The following EVC variants were observed in gnomAD, a reference collection of about 807,000 sequenced individuals.
EVC encodes evC complex member EVC.
In EVC, 116 loss-of-function variants were observed where a neutral mutation model predicts 118.9. That is an observed-to-expected ratio of 0.98 (90% CI 0.84 to 1.14). The LOEUF is 1.14. EVC is among the 50% of genes most tolerant of loss of function. The probability of loss-of-function intolerance (pLI) is 0.00; values close to 1 mark genes in which losing one functional copy is unlikely to be tolerated. For missense variants in EVC, 1,401 were observed against 1,246.4 expected (o/e 1.12, Z -1.87); for synonymous variants, 619 against 534.7 (o/e 1.16, Z -2.18).
the EVC span, among the ~76,000 whole-genome samples, chr4:5,824,098 C>T: frequency 6.6e-6 from 1 of 152,220 alleles, no homozygotes; most frequent in Non-Finnish European, 1.5e-5. Context: ...CATTGTTATT[C>T]TTGTTCTAAG....
chr4:5,827,526 T>C, the EVC span, among the ~76,000 whole-genome samples: 2 of 152,038 alleles, frequency 1.3e-5, no homozygotes, highest in Non-Finnish European at 2.9e-5. Context: ...TCCATCTCAA[T>C]TGGTCACTTA....
intron 11 of EVC, among the ~76,000 whole-genome samples, chr4:5,777,642 C>T (rs968632020): frequency 2.0e-5 from 3 of 152,150 alleles, no homozygotes; most frequent in Non-Finnish European, 4.4e-5. Flanking sequence ...CTTTTTCATT[C>T]ACCCCTAGTG....
In EVC at chr4:5,719,245, T is replaced by C; in HGVS notation, c.175-3T>C. On this transcript the variant is annotated splice_region_variant and splice_polypyrimidine_tract_variant and intron_variant, in intron 1 of 20. Transcript: ENST00000264956. The surrounding 1 kb of genome is among the most constrained non-coding windows in gnomAD (Gnocchi z 4.7). ...CCCCCAACTCCTGACCTTCGGGTTT[T>C]AGAAAGACGACACTCAAAATCTGCT... The C allele has an allele frequency of 6.2e-7, 1 of 1,614,138 alleles. No individual in the cohort carries two copies. The highest frequency in any genetic ancestry group is 8.5e-7 in the Non-Finnish European group (1 of 1,180,026).
chr4:5,772,132 G>A (rs551449516), intron 11 of EVC, among the ~76,000 whole-genome samples: 125 of 152,132 alleles, frequency 8.2e-4, no homozygotes, highest in African/African-American at 2.9e-3. Context: ...TCCTGACTTC[G>A]CGATCCGCCC....
chr4:5,737,808 A>G lies in EVC; in HGVS notation c.703-3908A>G, dbSNP rs929317451. On this transcript the variant is annotated intron_variant, in intron 5 of 20. Coordinates refer to ENST00000264956, the MANE Select transcript of EVC (RefSeq NM_153717.3). The surrounding 1 kb of genome is among the most constrained non-coding windows in gnomAD (Gnocchi z 5.0). ...GAGCTCTGATGAAGATGTACAAGGA[A>G]GTTAATGTCATTTTCATGCCTGCTA... Among the ~76,000 whole-genome samples the G allele has an allele frequency of 3.9e-5, 6 of 152,350 alleles. No individual in the cohort carries two copies. The South Asian group carries it at 1.0e-3, about 26-fold the overall frequency.
rs1728938377 is a variant in EVC at position 5,743,630 on chromosome 4, TTTC to T, written c.802-1568_802-1566del. On this transcript the variant is annotated intron_variant, in intron 6 of 20. Transcript: ENST00000264956. The surrounding 1 kb of genome is among the most constrained non-coding windows in gnomAD (Gnocchi z 4.7). ...AGATCTGGGGGTTTGGGAAGGAATG[TTTC>T]TTCTTTACTCCACTGGATTCCATGA... Among the ~76,000 whole-genome samples the T allele has an allele frequency of 6.6e-6, 1 of 152,158 alleles. No homozygotes were observed.
intron 2 of EVC, among the ~76,000 whole-genome samples, chr4:5,721,379 A>G (rs1416530737): frequency 6.6e-6 from 1 of 152,192 alleles, no homozygotes; most frequent in East Asian, 1.9e-4. Context: ...CCTAGAAAAC[A>G]TGCTAAATGA....
chr4:5,818,726 A>C (rs1166463369), downstream of EVC, among the ~76,000 whole-genome samples: 1 of 152,154 alleles, frequency 6.6e-6, no homozygotes, highest in Non-Finnish European at 1.5e-5. Context: ...CCCCACCAGC[A>C]AGAAGGCTCT....
intron 12 of EVC, among the ~76,000 whole-genome samples, chr4:5,788,486 G>C (rs774394628): frequency 7.2e-5 from 11 of 152,170 alleles, no homozygotes; most frequent in Non-Finnish European, 1.6e-4. Flanking sequence ...TCTCCATTTA[G>C]ATGATTGATA....
intron 11 of EVC, among the ~76,000 whole-genome samples, chr4:5,779,556 C>T (rs1289700104): frequency 2.9e-5 from 4 of 136,218 alleles, no homozygotes; most frequent in African/African-American, 5.7e-5. Flanking sequence ...AGGTCCTTCA[C>T]ATCCCTTGTA....
chr4:5,747,971 C>G (rs1024787706), intron 7 of EVC, 177 bp from the exon 8 acceptor site: 1 of 724,572 alleles, frequency 1.4e-6, no homozygotes, highest in African/African-American at 1.7e-5. Context: ...ACAATGGAAC[C>G]AGAAAGAACT....
rs989453685 is a variant in EVC at position 5,755,445 on chromosome 4, G to C, written c.1465-819G>C. Among the ~76,000 whole-genome samples, 1 of 152,060 alleles carries C rather than the reference G, an allele frequency of 6.6e-6. No homozygotes were observed. Among genetic ancestry groups the C allele is most frequent in the Non-Finnish European group, 1.5e-5 (1 of 68,014 alleles). On this transcript the variant is annotated intron_variant, in intron 10 of 20. Transcript: ENST00000264956. This position sits in a 1 kb window ranked among gnomAD's most constrained non-coding sequence, Gnocchi z 4.1. ...GAGCGAATGAAGGAGGATGGAATGG[G>C]TGGGAGAATGAACGAACGACACCAG...
chr4:5,825,787 C>T, the EVC span: 1 of 833,446 alleles, frequency 1.2e-6, no homozygotes, highest in Non-Finnish European at 1.9e-6. This position sits in a 1 kb window ranked among gnomAD's most constrained non-coding sequence, Gnocchi z 4.4. Context: ...CACACACACA[C>T]ACAACACGCA....
rs1650928879 is a variant in EVC at position 5,798,793 on chromosome 4, G to A, written c.2304+1G>A. 3 of 1,610,506 alleles carry A rather than the reference G, an allele frequency of 1.9e-6. No homozygotes were observed. Among genetic ancestry groups the A allele is most frequent in the Non-Finnish European group, 2.5e-6 (3 of 1,179,780 alleles). The stretch of plus-strand genomic sequence containing the variant: ...GGCCAAGGACAGGGATGACTTCAAG[G>A]TATGCACTGACCTCTGTCCCTGGGG... On this transcript the variant is annotated splice_donor_variant, in intron 15 of 20. Transcript: ENST00000264956. LOFTEE classifies it high-confidence loss of function. The surrounding 1 kb of genome is among the most constrained non-coding windows in gnomAD (Gnocchi z 4.1).
chr4:5,730,994 C>G (rs567884531), intron 3 of EVC, among the ~76,000 whole-genome samples: 2 of 152,046 alleles, frequency 1.3e-5, no homozygotes, highest in Admixed American at 6.6e-5. Context: ...GAGGGTGACT[C>G]CTGCTCTGTG....
At chr4:5,781,442 G>A (rs553079025) in intron 11 of EVC, among the ~76,000 whole-genome samples, 3 of 152,290 alleles carry the variant, frequency 2.0e-5, no homozygotes, top group African/African-American at 7.2e-5. Context: ...AGTGGCCCAG[G>A]GGAGGCTCCA....
At chr4:5,777,856 A>T (rs530152343) in intron 11 of EVC, among the ~76,000 whole-genome samples, 2 of 136,418 alleles carry the variant, frequency 1.5e-5, no homozygotes, top group South Asian at 2.2e-4. Context: ...TTGTTATTAT[A>T]CTTTAAGTTT....
rs1287320484 is a variant in EVC at position 5,737,582 on chromosome 4, T to C, written c.703-4134T>C. The stretch of plus-strand genomic sequence containing the variant: ...GACTTTAAGTTGAAGCCAGTGCTCA[T>C]GCACCACTCCGAAAGTCCTAGGGCC... On this transcript the variant is annotated intron_variant, in intron 5 of 20. Transcript: ENST00000264956. This position sits in a 1 kb window ranked among gnomAD's most constrained non-coding sequence, Gnocchi z 5.0. Among the ~76,000 whole-genome samples, 1 of 152,228 alleles carries C rather than the reference T, an allele frequency of 6.6e-6. No individual in the cohort carries two copies. Among genetic ancestry groups the C allele is most frequent in the East Asian group, 1.9e-4 (1 of 5,206 alleles).
Position 5,810,343 on chromosome 4 carries a change from G to T in EVC, c.2787G>T (p.Lys929Asn). Reference sequence around the variant, plus strand: ...GGGTTCATCTGTCCTCTACAGAGAAGCCCCTAAGGACTAAAAGGAAGAAGC... The same window carrying T: ...GGGTTCATCTGTCCTCTACAGAGAATCCCCTAAGGACTAAAAGGAAGAAGC... Reference protein sequence around the residue: ...LLPAKRGLLEKPLRTKRKKPL... With the variant: ...LLPAKRGLLENPLRTKRKKPL... Residue 929 changes from lysine (K) to asparagine (N), a missense_variant, in exon 20 of 21, where the codon AAG (lysine) becomes AAT (asparagine). By Grantham distance (94) the Lys-to-Asn change is moderately conservative. Transcript: ENST00000264956. 1 of 1,612,918 alleles carries T rather than the reference G, an allele frequency of 6.2e-7. No homozygotes were observed. The highest frequency in any genetic ancestry group is 1.1e-5 in the South Asian group (1 of 90,740).
Sources: allele counts gnomAD v4.1 joint callset (sites outside exome capture counted in the v4.1 genomes callset), GRCh38; gene constraint gnomAD v4.1.1; non-coding constraint Gnocchi (gnomAD v3.1); transcripts MANE v1.5; gene names NCBI Gene and HGNC (gene_info 2026-07-23, HGNC 2026-07-21).